Variants in CFDP1 observed in about 807,000 individuals in gnomAD.
The protein encoded by CFDP1 is chromatin remodeling protein CFDP1.
A neutral mutation model predicts 40.1 loss-of-function variants in CFDP1; 31 were observed. The observed-to-expected ratio is 0.77, with a 90% CI of 0.58 to 1.04. The LOEUF (loss-of-function observed/expected upper bound fraction) is 1.04, where lower values mean the gene tolerates loss of function less well. Ranked by LOEUF, CFDP1 falls within the 50% of genes least tolerant of loss-of-function variation. The pLI, the probability that CFDP1 is intolerant of heterozygous loss-of-function variation, is 0.00. For synonymous variants in CFDP1, 167 were observed against 120.0 expected, an observed-to-expected ratio of 1.39 and a Z score of -2.56; for missense variants, 423 against 343.4, an observed-to-expected ratio of 1.23 and a Z score of -1.83.
At position 75,294,058 on chromosome 16, in the gene CFDP1, A is replaced by G; in HGVS notation, c.810-16T>C. ...TTCAATGTACCTAGAAGATGAAAAC[A>G]GTGTTTGTCAGTAGAATCCAGTAGG... On this transcript the variant is annotated splice_polypyrimidine_tract_variant and intron_variant, in intron 6 of 6. Transcript: ENST00000283882. 6.3e-7 allele frequency: 1 copy of G among 1,591,978 alleles called. No individual in the cohort carries two copies. The highest frequency in any genetic ancestry group is 1.1e-5 in the South Asian group (1 of 90,616).
intron 5 of CFDP1, among the ~76,000 whole-genome samples, chr16:75,393,915 C>T (rs1396217614): frequency 7.9e-5 from 12 of 151,670 alleles, no homozygotes; most frequent in Admixed American, 6.6e-5. Flanking sequence ...AAAGATTAGA[C>T]GGGCGTGTTG....
intron 5 of CFDP1, among the ~76,000 whole-genome samples, chr16:75,344,310 C>A (rs1053427610): frequency 6.6e-6 from 1 of 152,168 alleles, no homozygotes; most frequent in Non-Finnish European, 1.5e-5. Flanking sequence ...CGAAATGCCA[C>A]TGAATTGTAC....
At chr16:75,393,531 A>C (rs1249916463) in intron 5 of CFDP1, among the ~76,000 whole-genome samples, 1 of 151,638 alleles carries the variant, frequency 6.6e-6, no homozygotes, top group Non-Finnish European at 1.5e-5. Context: ...GGAGATCGAG[A>C]CCATCCTGGC....
At chr16:75,340,869 G>C (rs1281075803) in intron 5 of CFDP1, among the ~76,000 whole-genome samples, 1 of 152,148 alleles carries the variant, frequency 6.6e-6, no homozygotes, top group Non-Finnish European at 1.5e-5. Flanking sequence ...TAACAAGACA[G>C]GTCACTGTGG....
rs556714016 is a variant in CFDP1 at position 75,409,545 on chromosome 16, C to A, written c.530+2280G>T. ...GTGTTTTTAGAAAAGTACTGGTCTG[C>A]TATAGATTGAAAATTTTAAGTTGGG... On this transcript the variant is annotated intron_variant, in intron 4 of 6. Transcript: ENST00000283882. 5.9e-5 allele frequency: 9 copies of A among 152,252 alleles called. No individual in the cohort carries two copies. The South Asian group carries it at 1.9e-3, about 32-fold the overall frequency. The allele number at this position is 152,252 out of a possible 1,614,324, so 9.4% of individuals were successfully genotyped here. A position where few individuals can be genotyped will look rare whatever the true frequency, so the allele number is the denominator to read the frequency against.
At chr16:75,429,168 C>T (rs1045504696) in intron 1 of CFDP1, among the ~76,000 whole-genome samples, 1 of 152,032 alleles carries the variant, frequency 6.6e-6, no homozygotes, top group Non-Finnish European at 1.5e-5. Context: ...TACCAGCTTC[C>T]GGAGACAAAC....
intron 4 of CFDP1, among the ~76,000 whole-genome samples, chr16:75,398,866 A>G (rs1366497826): frequency 2.6e-5 from 4 of 152,170 alleles, no homozygotes; most frequent in African/African-American, 7.2e-5. Context: ...CACCCTGGCT[A>G]ACACGGTGAA....
intron 6 of CFDP1, among the ~76,000 whole-genome samples, chr16:75,297,146 T>TGTGTGTGTGTGTGTG (rs1491503380): frequency 0.027 from 3,525 of 132,944 alleles, 381 homozygotes; most frequent in East Asian, 0.047. Context: ...TTCCCATTTC[T>TGTGTGTGTGTGTGTG]TGTGTGTGTG....
intron 5 of CFDP1, among the ~76,000 whole-genome samples, chr16:75,381,781 G>C (rs892006689): frequency 2.0e-5 from 3 of 152,152 alleles, no homozygotes; most frequent in Non-Finnish European, 4.4e-5. Flanking sequence ...AGAGATATGG[G>C]TCTGGAGTTC....
chr16:75,404,624 T>C (rs1197712214), intron 4 of CFDP1, among the ~76,000 whole-genome samples: 2 of 151,932 alleles, frequency 1.3e-5, no homozygotes, highest in East Asian at 3.9e-4. Context: ...TTGTCTAACA[T>C]AATTAATGTG....
intron 5 of CFDP1, among the ~76,000 whole-genome samples, chr16:75,313,989 GTTC>G (rs1174564694): frequency 3.3e-5 from 5 of 152,038 alleles, no homozygotes; most frequent in Non-Finnish European, 7.4e-5. Context: ...GGTTCAAGCA[GTTC>G]TTCTGCCTCA....
chr16:75,381,460 G>A (rs1198600933), intron 5 of CFDP1, among the ~76,000 whole-genome samples: 3 of 152,150 alleles, frequency 2.0e-5, no homozygotes, highest in Non-Finnish European at 2.9e-5. Flanking sequence ...GGGCAGTTAG[G>A]GGCTAGGGGG....
chr16:75,411,740 A>T, intron 4 of CFDP1, 85 bp downstream of exon 4: 1 of 1,312,634 alleles, frequency 7.6e-7, no homozygotes, highest in Non-Finnish European at 1.1e-6. Flanking sequence ...GATGGATTGA[A>T]AAGAGGATAG....
chr16:75,353,221 C>T (rs984999225), intron 5 of CFDP1, among the ~76,000 whole-genome samples: 4 of 152,166 alleles, frequency 2.6e-5, no homozygotes, highest in African/African-American at 9.7e-5. Flanking sequence ...ATTAACCAAA[C>T]TTATTAGACC....
At chr16:75,389,614 A>C (rs1186396762) in intron 5 of CFDP1, among the ~76,000 whole-genome samples, 1 of 152,214 alleles carries the variant, frequency 6.6e-6, no homozygotes, top group Non-Finnish European at 1.5e-5. Context: ...GAGGAAAATA[A>C]ACAAATAAAG....
chr16:75,389,254 A>C (rs752988650), intron 5 of CFDP1, among the ~76,000 whole-genome samples: 1 of 152,188 alleles, frequency 6.6e-6, no homozygotes, highest in Non-Finnish European at 1.5e-5. Flanking sequence ...AGGACTGGGG[A>C]GTGAGGGAAG....
At chr16:75,303,149 A>G (rs920648704) in intron 6 of CFDP1, among the ~76,000 whole-genome samples, 1 of 145,306 alleles carries the variant, frequency 6.9e-6, no homozygotes, top group Non-Finnish European at 1.5e-5. Context: ...GCAGTGACCC[A>G]AGATCACGCC....
intron 5 of CFDP1, among the ~76,000 whole-genome samples, chr16:75,313,320 T>C (rs1021683334): frequency 1.3e-5 from 2 of 152,162 alleles, no homozygotes; most frequent in African/African-American, 4.8e-5. Context: ...TGCTACCAGG[T>C]AGGCATGTGA....
intron 6 of CFDP1, among the ~76,000 whole-genome samples, chr16:75,297,168 G>C (rs765303090): frequency 5.6e-4 from 53 of 95,054 alleles, no homozygotes; most frequent in Middle Eastern, 5.5e-3. Context: ...GTGTGTGTCT[G>C]TGTGTGTGTG....
Sources: gnomAD v4.1 joint callset for allele counts (sites outside exome capture counted in the v4.1 genomes callset) on GRCh38, gnomAD v4.1.1 for gene constraint, MANE v1.5 for transcripts, NCBI Gene and HGNC (gene_info 2026-07-23, HGNC 2026-07-21) for gene names.